The following RHD variants were observed in gnomAD, a reference collection of about 807,000 sequenced individuals.
RHD encodes the protein blood group Rh(D) polypeptide.
In RHD, 16 loss-of-function variants were observed where a neutral mutation model predicts 45.5. The observed-to-expected ratio is 0.35, with a 90% CI of 0.24 to 0.53. The LOEUF (loss-of-function observed/expected upper bound fraction) is 0.53. Among genes scored for constraint, RHD ranks in the 20% least tolerant of loss-of-function variants. The probability of loss-of-function intolerance (pLI) is 0.92; values close to 1 mark genes in which losing one functional copy is unlikely to be tolerated. For missense variants in RHD, 306 were observed against 532.0 expected, an observed-to-expected ratio of 0.58 and a Z score of 4.18; for synonymous variants, 131 against 217.5, an observed-to-expected ratio of 0.60 and a Z score of 3.50.
chr1:25,302,039 TCCC>T (rs1040731537), intron 5 of RHD, among the ~76,000 whole-genome samples: 1 of 129,068 alleles, frequency 7.7e-6, no homozygotes, highest in South Asian at 2.4e-4. Flanking sequence ...GCCTCTCTCT[TCCC>T]CCCAACAAAT....
intron 8 of RHD, among the ~76,000 whole-genome samples, chr1:25,321,248 G>A (rs1472459501): frequency 7.9e-6 from 1 of 126,672 alleles, no homozygotes; most frequent in African/African-American, 2.7e-5. Context: ...GTCTTACATG[G>A]ATCAGCTTTC....
At chr1:25,305,423 G>A (rs1643731204) in intron 6 of RHD, among the ~76,000 whole-genome samples, 1 of 126,886 alleles carries the variant, frequency 7.9e-6, no homozygotes, top group Non-Finnish European at 1.8e-5. Flanking sequence ...TTGAGACAGA[G>A]TCTCATTCTG....
rs1250618986 is a variant in RHD, at chr1:25,322,344, T to C, written c.1227+382T>C. On this transcript the variant is annotated intron_variant, in intron 9 of 9. Transcript: ENST00000328664. ...AAGCCTTGGAGTCCAACCCCTTTTT[T>C]GACAGATGCTAAGAGTGGAGACATG... Among the ~76,000 whole-genome samples, 7 of 132,700 alleles carry C rather than the reference T, an allele frequency of 5.3e-5. 3 individuals carry two copies. The highest frequency in any genetic ancestry group is 1.3e-4 in the Non-Finnish European group (7 of 55,840). The allele number at this position is 132,700 out of a possible 152,430, so 87.1% of individuals were successfully genotyped here. A position where few individuals can be genotyped will look rare whatever the true frequency, so the allele number is the denominator to read the frequency against.
At chr1:25,318,865 G>C (rs1447230932) in intron 8 of RHD, among the ~76,000 whole-genome samples, 2 of 132,346 alleles carry the variant, frequency 1.5e-5, no homozygotes, top group African/African-American at 5.1e-5. Flanking sequence ...GTACTTTTTG[G>C]AGTTACCTGG....
chr1:25,318,849 A>T lies in RHD; in HGVS notation c.1153+1770A>T, dbSNP rs569531282. The stretch of plus-strand genomic sequence containing the variant: ...CTTCCTTCCAGCTTTAACAAACTGT[A>T]TGGAGGTACTTTTTGGAGTTACCTG... On this transcript the variant is annotated intron_variant, in intron 8 of 9. Transcript: ENST00000328664. Among the ~76,000 whole-genome samples the T allele has an allele frequency of 2.3e-5, 3 of 132,718 alleles. 1 individual carries two copies. The South Asian group carries it at 6.9e-4, about 30-fold the overall frequency. 87.1% of individuals were successfully genotyped at this position (132,718 alleles called of 152,430 possible).
chr1:25,301,552 T>G lies in RHD; in HGVS notation c.667T>G (p.Phe223Val), dbSNP rs1053356. Reference sequence around the variant, plus strand: ...CTTCTTGTGGATGTTCTGGCCAAGTTTCAACTCTGCTCTGCTGAGAAGTCC... The same window carrying G: ...CTTCTTGTGGATGTTCTGGCCAAGTGTCAACTCTGCTCTGCTGAGAAGTCC... ...ALFLWMFWPS[F>V]NSALLRSPIE... Residue 223 changes from phenylalanine (F) to valine (V), a missense_variant, in exon 5 of 10, where the codon TTC becomes GTC. By Grantham distance (50) the Phe-to-Val change is conservative. Coordinates refer to ENST00000328664, the MANE Select transcript of RHD (RefSeq NM_016124.6). 10,117 of 1,378,402 alleles carry G rather than the reference T, an allele frequency of 7.3e-3. 2,067 individuals are homozygous for G. The African/African-American group carries it at 0.11, about 15-fold the overall frequency. 85.4% of individuals were successfully genotyped at this position (1,378,402 alleles called of 1,614,324 possible).
At chr1:25,280,275 GC>G in intron 1 of RHD, among the ~76,000 whole-genome samples, 1 of 126,162 alleles carries the variant, frequency 7.9e-6, no homozygotes, top group East Asian at 2.0e-4. Flanking sequence ...GCCCAATAAA[GC>G]CCCCACCCAG....
chr1:25,276,114 T>C lies in RHD; in HGVS notation c.148+3419T>C, dbSNP rs1389101090. Among the ~76,000 whole-genome samples the C allele has an allele frequency of 3.8e-5, 5 of 132,066 alleles. 2 individuals carry two copies. The highest frequency in any genetic ancestry group is 8.9e-5 in the Non-Finnish European group (5 of 55,932). 86.6% of individuals were successfully genotyped at this position (132,066 alleles called of 152,430 possible). Reference sequence around the variant, plus strand: ...GACATTTTGAGACAATCAGGAAATCTGAATATAGCATGAATATCTTACGAT... The same window carrying C: ...GACATTTTGAGACAATCAGGAAATCCGAATATAGCATGAATATCTTACGAT... On this transcript the variant is annotated intron_variant, in intron 1 of 9. Coordinates refer to ENST00000328664, the MANE Select transcript of RHD (RefSeq NM_016124.6).
rs754636018 is a variant in RHD at position 25,303,372 on chromosome 1, G to A, written c.852G>A (p.Ser284=). The A allele has an allele frequency of 1.5e-5, 20 of 1,376,582 alleles. 6 individuals are homozygous for A. The highest frequency in any genetic ancestry group is 3.7e-4 in the Middle Eastern group (2 of 5,458). The allele number at this position is 1,376,582 out of a possible 1,614,324, so 85.3% of individuals were successfully genotyped here. The change falls in exon 6 of 10, where the codon TCG becomes TCA. Residue 284 remains serine (S), a synonymous_variant. Transcript: ENST00000328664. ...VLAGGVAVGT[S]CHLIPSPWLA... Reference sequence around the variant, plus strand: ...CAGGAGGCGTGGCTGTGGGTACCTCGTGTCACCTGATCCCTTCTCCGTGGC... The same window carrying A: ...CAGGAGGCGTGGCTGTGGGTACCTCATGTCACCTGATCCCTTCTCCGTGGC...
At position 25,276,213 on chromosome 1, in the gene RHD, T is replaced by G. The variant is rs111778444; in HGVS notation, c.148+3518T>G. On this transcript the variant is annotated intron_variant, in intron 1 of 9. Coordinates refer to ENST00000328664, the MANE Select transcript of RHD (RefSeq NM_016124.6). ...GTTGTTTTTGTTTTTGTTTTTTAAG[T>G]CTCCATCTGTTAGAGAGGCACATTG... Among the ~76,000 whole-genome samples the G allele has an allele frequency of 2.6e-4, 34 of 130,700 alleles. 5 individuals carry two copies. Among genetic ancestry groups the G allele is most frequent in the East Asian group, 1.2e-3 (6 of 5,090 alleles). The allele number at this position is 130,700 out of a possible 152,430, so 85.7% of individuals were successfully genotyped here. A position where few individuals can be genotyped will look rare whatever the true frequency, so the allele number is the denominator to read the frequency against.
rs1641447630 is a variant in RHD, at chr1:25,280,988, A to T, written c.149-3585A>T. 1.5e-5 allele frequency among the ~76,000 whole-genome samples: 2 copies of T among 131,196 alleles called. 1 individual carries two copies. Among genetic ancestry groups the T allele is most frequent in the South Asian group, 4.7e-4 (2 of 4,300 alleles). The allele number at this position is 131,196 out of a possible 152,430, so 86.1% of individuals were successfully genotyped here. ...GGCAACTCTCCTCTCCCCATCTTCC[A>T]CTAACTTCTTTGGAATATTCCAGAG... On this transcript the variant is annotated intron_variant, in intron 1 of 9. Coordinates refer to ENST00000328664, the MANE Select transcript of RHD (RefSeq NM_016124.6).
Position 25,303,447 on chromosome 1 carries a change from C to T in RHD, c.927C>T (p.Ala309=), listed in dbSNP as rs759145090. Residue 309 remains alanine (A), a synonymous_variant, in exon 6 of 10, where the codon GCC becomes GCT. Transcript: ENST00000328664. ...LVAGLISVGG[A]KYLPGCCNRV... The stretch of plus-strand genomic sequence containing the variant: ...CTGGGCTGATCTCCGTCGGGGGAGC[C>T]AAGTACCTGCCGGTAAGAAACTAGA... 1 of 1,378,886 alleles carries T rather than the reference C, an allele frequency of 7.3e-7. No individual in the cohort carries two copies. The highest frequency in any genetic ancestry group is 2.2e-5 in the East Asian group (1 of 44,634). 85.4% of individuals were successfully genotyped at this position (1,378,886 alleles called of 1,614,324 possible). A position where few individuals can be genotyped will look rare whatever the true frequency, so the allele number is the denominator to read the frequency against.
rs1334660740 is a variant in RHD, at chr1:25,275,167, G to A, written c.148+2472G>A. On this transcript the variant is annotated intron_variant, in intron 1 of 9. Coordinates refer to ENST00000328664, the MANE Select transcript of RHD (RefSeq NM_016124.6). ...TAGCCGGATGTGGTGGCACGTGCCT[G>A]TAGTCCCAGCTGCTTGGGAAGCTGA... 3.0e-5 allele frequency among the ~76,000 whole-genome samples: 4 copies of A among 132,076 alleles called. 2 individuals carry two copies. The highest frequency in any genetic ancestry group is 5.2e-5 in the African/African-American group (2 of 38,734). 86.6% of individuals were successfully genotyped at this position (132,076 alleles called of 152,430 possible).
intron 3 of RHD, among the ~76,000 whole-genome samples, chr1:25,300,590 G>A (rs1458803037): frequency 7.7e-6 from 1 of 129,780 alleles, no homozygotes; most frequent in East Asian, 2.0e-4. Flanking sequence ...CGGGTGGATC[G>A]CCTGAGGTCA....
intron 3 of RHD, among the ~76,000 whole-genome samples, 172 bp from the exon 4 acceptor site, chr1:25,300,774 A>G (rs928443736): frequency 7.6e-6 from 1 of 131,674 alleles, no homozygotes; most frequent in African/African-American, 2.6e-5. Context: ...GTGCCATTGC[A>G]CTCCAGCCTG....
At position 25,306,641 on chromosome 1, in the gene RHD, G is replaced by C. The variant is rs1643863219; in HGVS notation, c.985G>C (p.Gly329Arg). 3.6e-6 allele frequency: 5 copies of C among 1,378,242 alleles called. 1 individual carries two copies. In the East Asian group the frequency reaches 6.7e-5, roughly 19 times the overall value. The allele number at this position is 1,378,242 out of a possible 1,614,324, so 85.4% of individuals were successfully genotyped here. A position where few individuals can be genotyped will look rare whatever the true frequency, so the allele number is the denominator to read the frequency against. Residue 329 changes from glycine (G) to arginine (R), a missense_variant, in exon 7 of 10, where the codon GGC becomes CGC. Coordinates refer to ENST00000328664, the MANE Select transcript of RHD (RefSeq NM_016124.6). ...VLGIPHSSIM[G>R]YNFSLLGLLG... ...GGGGATTCCCCACAGCTCCATCATG[G>C]GCTACAACTTCAGCTTGCTGGGTCT... is the stretch of plus-strand genomic sequence containing the variant.
intron 7 of RHD, among the ~76,000 whole-genome samples, chr1:25,316,635 AAG>A (rs1262488729): frequency 1.0e-4 from 12 of 119,522 alleles, no homozygotes; most frequent in African/African-American, 2.5e-4. Context: ...AAAAAAAAAA[AAG>A]AGAGAGAGAG....
chr1:25,281,084 G>A (rs1641453826), intron 1 of RHD, among the ~76,000 whole-genome samples: 2 of 132,450 alleles, frequency 1.5e-5, no homozygotes. Flanking sequence ...GGCCTAAAGA[G>A]GGTAATGGAC....
rs1219222763 is a variant in RHD, at chr1:25,315,154, CA to C, written c.1074-1837del. Among the ~76,000 whole-genome samples the C allele has an allele frequency of 7.8e-5, 10 of 127,824 alleles. No individual in the cohort carries two copies. The East Asian group carries it at 1.4e-3, about 18-fold the overall frequency. The allele number at this position is 127,824 out of a possible 152,430, so 83.9% of individuals were successfully genotyped here. ...CTGGTGACACAGCAAGACTCCATCT[CA>C]AAAAAAAATTTTTTTTGCAAGGTCA... On this transcript the variant is annotated intron_variant, in intron 7 of 9. Transcript: ENST00000328664.
Sources: gnomAD v4.1 joint callset for allele counts (sites outside exome capture counted in the v4.1 genomes callset) on GRCh38, gnomAD v4.1.1 for gene constraint, MANE v1.5 for transcripts, NCBI Gene and HGNC (gene_info 2026-07-23, HGNC 2026-07-21) for gene names.